The following ARB2A variants were observed in gnomAD, a reference collection of about 807,000 sequenced individuals.
ARB2A encodes the protein cotranscriptional regulator ARB2A.
chr5:94,012,233 T>C, the ARB2A span, among the ~76,000 whole-genome samples: 1 of 152,156 alleles, frequency 6.6e-6, no homozygotes. Flanking sequence ...AAACCCCGTC[T>C]CTACTAAACA....
the ARB2A span, among the ~76,000 whole-genome samples, chr5:93,629,414 A>G: frequency 1.3e-5 from 2 of 152,030 alleles, no homozygotes; most frequent in Non-Finnish European, 2.9e-5. Flanking sequence ...TTTTTTTGAA[A>G]GGGCGGTAAC....
At chr5:94,015,284 C>A in the ARB2A span, among the ~76,000 whole-genome samples, 1 of 152,132 alleles carries the variant, frequency 6.6e-6, no homozygotes, top group African/African-American at 2.4e-5. Context: ...TCTAAGCATA[C>A]TGTACCCAGC....
the ARB2A span, among the ~76,000 whole-genome samples, chr5:93,942,121 T>C: frequency 6.6e-6 from 1 of 152,144 alleles, no homozygotes; most frequent in Non-Finnish European, 1.5e-5. Context: ...ATATCTGCCA[T>C]GATGCAACAA....
the ARB2A span, among the ~76,000 whole-genome samples, chr5:93,669,777 G>C: frequency 6.6e-6 from 1 of 152,134 alleles, no homozygotes; most frequent in Non-Finnish European, 1.5e-5. Context: ...CATACACACT[G>C]TTGTTAGACC....
chr5:93,978,132 G>T, the ARB2A span, among the ~76,000 whole-genome samples: 1 of 152,184 alleles, frequency 6.6e-6, no homozygotes, highest in African/African-American at 2.4e-5. Context: ...TGGTGAGGCT[G>T]CAGAGGAAAG....
At chr5:93,905,816 G>A in the ARB2A span, among the ~76,000 whole-genome samples, 1 of 151,330 alleles carries the variant, frequency 6.6e-6, no homozygotes, top group Non-Finnish European at 1.5e-5. Context: ...TAGAATTATT[G>A]GTTATCTTCT....
chr5:93,756,048 G>A, the ARB2A span, among the ~76,000 whole-genome samples: 1 of 152,154 alleles, frequency 6.6e-6, no homozygotes, highest in African/African-American at 2.4e-5. Context: ...CATGGTGGGA[G>A]TGAGACCAGC....
At chr5:93,778,393 A>G in the ARB2A span, among the ~76,000 whole-genome samples, 1 of 152,204 alleles carries the variant, frequency 6.6e-6, no homozygotes, top group Non-Finnish European at 1.5e-5. Flanking sequence ...AGAAATAAGT[A>G]TTCTCCAAAG....
At chr5:93,899,454 A>T in the ARB2A span, among the ~76,000 whole-genome samples, 1 of 152,250 alleles carries the variant, frequency 6.6e-6, no homozygotes, top group East Asian at 1.9e-4. Context: ...GCAAGGGTTT[A>T]GGCTTAAAAA....
the ARB2A span, among the ~76,000 whole-genome samples, chr5:94,016,628 A>G: frequency 6.6e-6 from 1 of 152,202 alleles, no homozygotes; most frequent in East Asian, 1.9e-4. Context: ...AATACCCAAA[A>G]TGTTTACAAC....
the ARB2A span, among the ~76,000 whole-genome samples, chr5:93,986,411 G>A: frequency 4.0e-4 from 59 of 146,434 alleles, no homozygotes; most frequent in East Asian, 8.5e-4. Context: ...GGTGGGGGGC[G>A]CCTCTGCCCG....
chr5:94,075,865 G>A, the ARB2A span, among the ~76,000 whole-genome samples: 2 of 152,098 alleles, frequency 1.3e-5, no homozygotes, highest in African/African-American at 4.8e-5. Context: ...TCTAACTGTA[G>A]GTGATGTGCT....
the ARB2A span, among the ~76,000 whole-genome samples, chr5:94,076,905 G>C: frequency 6.6e-6 from 1 of 151,982 alleles, no homozygotes; most frequent in Non-Finnish European, 1.5e-5. Flanking sequence ...CATTGTGACT[G>C]GTTTAACAAA....
chr5:94,102,656 A>C, the ARB2A span, among the ~76,000 whole-genome samples: 1 of 152,102 alleles, frequency 6.6e-6, no homozygotes, highest in Non-Finnish European at 1.5e-5. Flanking sequence ...CAAATTCAGA[A>C]ACTGCAGAGA....
chr5:93,748,438 G>A, the ARB2A span, among the ~76,000 whole-genome samples: 992 of 152,120 alleles, frequency 6.5e-3, 7 homozygotes, highest in Non-Finnish European at 8.3e-3. Flanking sequence ...GATAAGATAT[G>A]ACTAGAATTA....
chr5:93,841,639 C>T, the ARB2A span, among the ~76,000 whole-genome samples: 7 of 152,154 alleles, frequency 4.6e-5, no homozygotes, highest in African/African-American at 1.7e-4. Flanking sequence ...GATTAGGAAA[C>T]TAATTATTTG....
chr5:94,053,280 C>G, the ARB2A span: 1 of 979,100 alleles, frequency 1.0e-6, no homozygotes, highest in East Asian at 2.8e-5. Flanking sequence ...TAGTTTGTAA[C>G]AAAGATTTTA....
the ARB2A span, among the ~76,000 whole-genome samples, chr5:93,841,299 C>A: frequency 3.0e-4 from 45 of 151,980 alleles, no homozygotes; most frequent in African/African-American, 1.1e-3. Context: ...GCATATATAC[C>A]CAACATGGCC....
At chr5:94,018,123 G>C in the ARB2A span, among the ~76,000 whole-genome samples, 1 of 152,078 alleles carries the variant, frequency 6.6e-6, no homozygotes, top group Admixed American at 6.6e-5. Flanking sequence ...CCAGTCTCGG[G>C]TATGTCTTTA....
Sources: gnomAD v4.1 joint callset for allele counts (sites outside exome capture counted in the v4.1 genomes callset) on GRCh38, gnomAD v4.1.1 for gene constraint, MANE v1.5 for transcripts, NCBI Gene and HGNC (gene_info 2026-07-23, HGNC 2026-07-21) for gene names.